The following THSD7A variants were observed in gnomAD, a reference collection of about 807,000 sequenced individuals.
The protein encoded by THSD7A is thrombospondin type 1 domain containing 7A, also known as thrombospondin type-1 domain-containing protein 7A.
Under a neutral mutation model 231.3 loss-of-function variants are expected in THSD7A, and 96 were observed. The ratio of observed to expected loss-of-function variants is 0.41; its 90% CI spans 0.35 to 0.49. The LOEUF (loss-of-function observed/expected upper bound fraction) is 0.49, where lower values mean the gene tolerates loss of function less well. Ranked by LOEUF, THSD7A falls within the 20% of genes least tolerant of loss-of-function variation. THSD7A has a pLI of 0.05. For missense variants in THSD7A, 2,290 were observed against 2,070.2 expected, an observed-to-expected ratio of 1.11 and a Z score of -2.06; for synonymous variants, 940 against 743.3, an observed-to-expected ratio of 1.26 and a Z score of -4.30.
chr7:11,636,959 G>T lies in THSD7A; in HGVS notation c.193C>A (p.Pro65Thr). The T allele has an allele frequency of 6.3e-7, 1 of 1,596,554 alleles. No individual in the cohort carries two copies. Among genetic ancestry groups the T allele is most frequent in the Non-Finnish European group, 8.5e-7 (1 of 1,172,968 alleles). ...TCATCTCCCATACATCGGCCCCATGGACCTACAAAAATTATAACACAAAAA... is the reference window on the plus strand; with the variant it reads ...TCATCTCCCATACATCGGCCCCATGTACCTACAAAAATTATAACACAAAAA... Reference protein sequence around the residue: ...APTLYLWKTGPWGRCMGDECG... With the variant: ...APTLYLWKTGTWGRCMGDECG... Residue 65 changes from proline to threonine, a missense_variant and splice_region_variant, in exon 2 of 28, where the codon CCA (proline) becomes ACA (threonine). By Grantham distance (38) the Pro-to-Thr change is conservative (BLOSUM62 -1). Coordinates refer to ENST00000423059, the MANE Select transcript of THSD7A (RefSeq NM_015204.3). This position sits in a 1 kb window ranked among gnomAD's most constrained non-coding sequence, Gnocchi z 10.0.
At chr7:11,430,168 C>T (rs1784436757) in intron 13 of THSD7A, among the ~76,000 whole-genome samples, 2 of 152,094 alleles carry the variant, frequency 1.3e-5, no homozygotes, top group African/African-American at 4.8e-5. Context: ...ATAATGTAAA[C>T]AATTGATACT....
chr7:11,578,473 CAATTGGT>C (rs1791015058), intron 4 of THSD7A, among the ~76,000 whole-genome samples: 1 of 152,110 alleles, frequency 6.6e-6, no homozygotes, highest in Non-Finnish European at 1.5e-5. Flanking sequence ...CCAAAGAATA[CAATTGGT>C]AAATGTACCC....
At chr7:11,384,720 T>A (rs990968439) in intron 23 of THSD7A, 3 of 152,016 alleles carry the variant, frequency 2.0e-5, no homozygotes, top group African/African-American at 7.2e-5. Flanking sequence ...CAATTACCCT[T>A]TTTAACTATT....
chr7:11,769,136 TA>T (rs1562541203), intron 1 of THSD7A, among the ~76,000 whole-genome samples: 31 of 52,336 alleles, frequency 5.9e-4, no homozygotes, highest in South Asian at 2.3e-3. Flanking sequence ...TATATATATA[TA>T]TATATATATA....
Position 11,577,164 on chromosome 7 carries a change from A to C in THSD7A, c.1453+13296T>G, listed in dbSNP as rs544055607. ...AGATTTGTAGAAGGCTTTGATAAATAAGTCAATAGCTTTCCTAGTTAAAAA... is the reference window on the plus strand; with the variant it reads ...AGATTTGTAGAAGGCTTTGATAAATCAGTCAATAGCTTTCCTAGTTAAAAA... On this transcript the variant is annotated intron_variant, in intron 4 of 27. Transcript: ENST00000423059. Among the ~76,000 whole-genome samples, 3 of 152,344 alleles carry C rather than the reference A, an allele frequency of 2.0e-5. No homozygotes were observed. In the South Asian group the frequency reaches 6.2e-4, roughly 32 times the overall value.
At chr7:11,753,919 C>G (rs1263459816) in intron 1 of THSD7A, among the ~76,000 whole-genome samples, 3 of 151,838 alleles carry the variant, frequency 2.0e-5, no homozygotes, top group African/African-American at 7.3e-5. Context: ...AAAACAGAGG[C>G]ATAGAAACTC....
At position 11,555,279 on chromosome 7, in the gene THSD7A, T is replaced by C. The variant is rs1427771978; in HGVS notation, c.1454-12162A>G. ...CTGCTTTAGCTATGCCTCACAGATTTTGATATATTTTCTTTTCATCCAGTA... is the reference window on the plus strand; with the variant it reads ...CTGCTTTAGCTATGCCTCACAGATTCTGATATATTTTCTTTTCATCCAGTA... On this transcript the variant is annotated intron_variant, in intron 4 of 27. Coordinates refer to ENST00000423059, the MANE Select transcript of THSD7A (RefSeq NM_015204.3). 2.0e-5 allele frequency among the ~76,000 whole-genome samples: 3 copies of C among 152,084 alleles called. No homozygotes were observed. The South Asian group carries it at 6.2e-4, about 31-fold the overall frequency.
At chr7:11,487,460 T>C (rs553225096) in intron 6 of THSD7A, among the ~76,000 whole-genome samples, 4 of 152,324 alleles carry the variant, frequency 2.6e-5, no homozygotes, top group African/African-American at 4.8e-5. Context: ...GGTTTAGCAA[T>C]TGAGCAAGAA....
intron 11 of THSD7A, 58 bp from the exon 12 acceptor site, chr7:11,447,482 T>C: frequency 1.5e-6 from 2 of 1,376,296 alleles, no homozygotes; most frequent in African/African-American, 3.0e-5. Flanking sequence ...ACTCTATAAT[T>C]TAGAAGCTAA....
intron 1 of THSD7A, among the ~76,000 whole-genome samples, chr7:11,671,660 T>C (rs1408993886): frequency 6.6e-6 from 1 of 152,132 alleles, no homozygotes; most frequent in Non-Finnish European, 1.5e-5. Flanking sequence ...AGCTAAAAAA[T>C]ATAAAATATA....
At chr7:11,681,039 A>C (rs565739155) in intron 1 of THSD7A, among the ~76,000 whole-genome samples, 65 of 152,290 alleles carry the variant, frequency 4.3e-4, no homozygotes, top group African/African-American at 1.5e-3. Context: ...GAATGAGTTC[A>C]TGTCCTTTGC....
chr7:11,774,821 G>A (rs1468097015), intron 1 of THSD7A, among the ~76,000 whole-genome samples: 3 of 152,194 alleles, frequency 2.0e-5, no homozygotes, highest in Admixed American at 1.3e-4. Context: ...TTGGGAGGAC[G>A]AGGTGGACAA....
chr7:11,811,611 T>C (rs191509194), intron 1 of THSD7A, among the ~76,000 whole-genome samples: 20 of 152,304 alleles, frequency 1.3e-4, no homozygotes, highest in Non-Finnish European at 2.4e-4. Context: ...CGAGACAGAA[T>C]GAGAACGTTT....
In THSD7A at chr7:11,481,936, G is replaced by T. The variant is rs1288933967; in HGVS notation, c.1869C>A (p.Ile623=). ...GGCATGGGGCATCACAGGCCACAGG[G>T]ATGGGGAAGATGGCATCTCTGCACA... ...RQLCRDAIFP[I]PVACDAPCPK... Residue 623 remains isoleucine, a synonymous_variant, in exon 7 of 28, where the codon ATC becomes ATA. Transcript: ENST00000423059. 2 of 1,613,504 alleles carry T rather than the reference G, an allele frequency of 1.2e-6. No individual in the cohort carries two copies. Among genetic ancestry groups the T allele is most frequent in the South Asian group, 2.2e-5 (2 of 91,066 alleles).
rs539411047 is a variant in THSD7A, at chr7:11,804,773, G to A, written c.190+26984C>T. On this transcript the variant is annotated intron_variant, in intron 1 of 27. Coordinates refer to ENST00000423059, the MANE Select transcript of THSD7A (RefSeq NM_015204.3). Reference sequence around the variant, plus strand: ...TGACTGAATTTTAAACACTTCCATTGTTTGCTTAATGAGTTGCTTGGTACT... The same window carrying A: ...TGACTGAATTTTAAACACTTCCATTATTTGCTTAATGAGTTGCTTGGTACT... Among the ~76,000 whole-genome samples the A allele has an allele frequency of 3.3e-5, 5 of 152,166 alleles. No individual in the cohort carries two copies. In the South Asian group the frequency reaches 1.0e-3, roughly 32 times the overall value.
intron 6 of THSD7A, among the ~76,000 whole-genome samples, chr7:11,517,424 G>GA (rs1788078029): frequency 2.3e-5 from 1 of 43,708 alleles, no homozygotes; most frequent in African/African-American, 1.2e-4. Flanking sequence ...TTTTTAAAGA[G>GA]TTAAAAAAAA....
At chr7:11,696,424 G>T (rs1420227527) in intron 1 of THSD7A, among the ~76,000 whole-genome samples, 1 of 151,380 alleles carries the variant, frequency 6.6e-6, no homozygotes, top group Non-Finnish European at 1.5e-5. Context: ...ATTTTTGTTT[G>T]TTTGTTTTAT....
chr7:11,679,727 T>C (rs887625480), intron 1 of THSD7A, among the ~76,000 whole-genome samples: 2 of 152,170 alleles, frequency 1.3e-5, no homozygotes, highest in Non-Finnish European at 2.9e-5. Flanking sequence ...CATTCCATGC[T>C]CATGGATAGG....
At chr7:11,727,185 A>G (rs746655770) in intron 1 of THSD7A, among the ~76,000 whole-genome samples, 1 of 151,956 alleles carries the variant, frequency 6.6e-6, no homozygotes, top group Non-Finnish European at 1.5e-5. Context: ...CAGGGCATAC[A>G]TATTTGCAAA....
Sources: allele counts gnomAD v4.1 joint callset (sites outside exome capture counted in the v4.1 genomes callset), GRCh38; gene constraint gnomAD v4.1.1; non-coding constraint Gnocchi (gnomAD v3.1); transcripts MANE v1.5; gene names NCBI Gene and HGNC (gene_info 2026-07-23, HGNC 2026-07-21).